PARN: variants seen among roughly 807,000 people sequenced by gnomAD.
PARN encodes the protein poly(A)-specific ribonuclease PARN.
A neutral mutation model predicts 102.8 loss-of-function variants in PARN; 71 were observed. That is an observed-to-expected ratio of 0.69 (90% CI 0.57 to 0.84). PARN has a LOEUF of 0.84. Ranked by LOEUF, PARN falls within the 40% of genes least tolerant of loss-of-function variation. PARN has a pLI of 0.00. For synonymous variants in PARN, 261 were observed against 252.9 expected (o/e 1.03, Z -0.30); for missense variants, 782 against 760.9 (o/e 1.03, Z -0.33).
chr16:14,510,657 C>A (rs577656967), intron 21 of PARN, among the ~76,000 whole-genome samples: 1 of 152,224 alleles, frequency 6.6e-6, no homozygotes, highest in Non-Finnish European at 1.5e-5. Context: ...ATCTACCCTT[C>A]TGCTTTTTTG....
Position 14,552,036 on chromosome 16 carries a change from C to G in PARN, c.1465G>C (p.Glu489Gln), listed in dbSNP as rs576638299. The change falls in exon 21 of 24, where the codon GAG becomes CAG. Residue 489 changes from glutamate (E) to glutamine (Q), a missense_variant. Glu to Gln is a conservative substitution (Grantham distance 29). Coordinates refer to ENST00000437198, the MANE Select transcript of PARN (RefSeq NM_002582.4). ...TSAFVSLSQPEQVKIAVNTSK... is the reference protein window; with the variant it reads ...TSAFVSLSQPQQVKIAVNTSK... ...AAACACTTACCAATCTTTACTTGCT[C>G]GGGCTGGCTAAGGGAAACAAATGCT... The G allele has an allele frequency of 6.2e-7, 1 of 1,611,124 alleles. No homozygotes were observed. Among genetic ancestry groups the G allele is most frequent in the African/African-American group, 1.3e-5 (1 of 74,822 alleles).
At chr16:14,544,493 TA>T (rs1473389483) in intron 21 of PARN, among the ~76,000 whole-genome samples, 1 of 152,118 alleles carries the variant, frequency 6.6e-6, no homozygotes, top group Non-Finnish European at 1.5e-5. Context: ...GAGAATCACT[TA>T]AAGCCAGGAG....
In PARN at chr16:14,550,364, TCTG is replaced by T. The variant is rs539908239; in HGVS notation, c.1480+1654_1480+1656del. Among the ~76,000 whole-genome samples the T allele has an allele frequency of 1.1e-4, 16 of 152,276 alleles. No individual in the cohort carries two copies. The South Asian group carries it at 1.9e-3, about 18-fold the overall frequency. On this transcript the variant is annotated intron_variant, in intron 21 of 23. Transcript: ENST00000437198. ...CTCCTGAGTACATTCCACCCTGAAATCTGCTATTAAAGAACCACAGTAAAAGCT... is the reference window on the plus strand; with the variant it reads ...CTCCTGAGTACATTCCACCCTGAAATCTATTAAAGAACCACAGTAAAAGCT...
chr16:14,546,975 C>A (rs1053993564), intron 21 of PARN, among the ~76,000 whole-genome samples: 1 of 151,900 alleles, frequency 6.6e-6, no homozygotes, highest in African/African-American at 2.4e-5. Context: ...CACCTGTAAT[C>A]CCAGCTACTC....
At chr16:14,502,111 T>G (rs1241518167) in intron 21 of PARN, among the ~76,000 whole-genome samples, 3 of 152,224 alleles carry the variant, frequency 2.0e-5, no homozygotes, top group African/African-American at 7.2e-5. Flanking sequence ...CACATGCCTC[T>G]CTGGGCAACT....
rs374164243 is a variant in PARN, at chr16:14,621,788, G to A, written c.328-4138C>T. ...ATCGTGCCACTGCACTCCAGCCTGG[G>A]CGACAGGGGCTTCGTCTCAAAAAAA... On this transcript the variant is annotated intron_variant, in intron 5 of 23. Coordinates refer to ENST00000437198, the MANE Select transcript of PARN (RefSeq NM_002582.4). Among the ~76,000 whole-genome samples the A allele has an allele frequency of 3.2e-3, 485 of 150,440 alleles. 4 individuals are homozygous for A. Among genetic ancestry groups the A allele is most frequent in the Middle Eastern group, 0.021 (6 of 292 alleles).
At chr16:14,563,218 G>A (rs964819090) in intron 18 of PARN, among the ~76,000 whole-genome samples, 26 of 152,204 alleles carry the variant, frequency 1.7e-4, no homozygotes, top group Non-Finnish European at 3.2e-4. Flanking sequence ...TTTTGCTCCT[G>A]AGGCAGCAGG....
intron 18 of PARN, among the ~76,000 whole-genome samples, chr16:14,576,859 T>TTC (rs1465232755): frequency 1.3e-5 from 2 of 152,230 alleles, no homozygotes; most frequent in Non-Finnish European, 2.9e-5. Context: ...TTATGGGACA[T>TTC]TCTTCTAGAC....
At chr16:14,496,155 G>GTC (rs1964305074) in intron 21 of PARN, among the ~76,000 whole-genome samples, 1 of 152,220 alleles carries the variant, frequency 6.6e-6, no homozygotes, top group African/African-American at 2.4e-5. Flanking sequence ...GTGGCCTGCT[G>GTC]AAGATGGCGA....
chr16:14,555,423 A>G (rs577828078), intron 19 of PARN, among the ~76,000 whole-genome samples: 10 of 152,320 alleles, frequency 6.6e-5, no homozygotes, highest in African/African-American at 2.4e-4. Flanking sequence ...TATAGAGAAG[A>G]TACATGCTTC....
chr16:14,508,218 A>G (rs1964995953), intron 21 of PARN, among the ~76,000 whole-genome samples: 1 of 152,096 alleles, frequency 6.6e-6, no homozygotes, highest in Non-Finnish European at 1.5e-5. Flanking sequence ...ATACATGGAT[A>G]GATACATAGA....
chr16:14,620,799 A>G (rs1176178748), intron 5 of PARN, among the ~76,000 whole-genome samples: 5 of 152,204 alleles, frequency 3.3e-5, no homozygotes, highest in Non-Finnish European at 7.3e-5. Flanking sequence ...CCACGGAATG[A>G]CTGTGTTTCC....
intron 22 of PARN, among the ~76,000 whole-genome samples, chr16:14,448,995 T>C (rs1961324437): frequency 6.6e-6 from 1 of 152,150 alleles, no homozygotes; most frequent in South Asian, 2.1e-4. Context: ...TTTTAAAGAC[T>C]AGAAAAAGTT....
chr16:14,568,820 G>A (rs1968598640), intron 18 of PARN, among the ~76,000 whole-genome samples: 1 of 151,412 alleles, frequency 6.6e-6, no homozygotes, highest in Admixed American at 6.6e-5. Context: ...GCTTGAACCT[G>A]GGAGGCAGAG....
intron 21 of PARN, among the ~76,000 whole-genome samples, chr16:14,525,080 T>G (rs1168477068): frequency 6.6e-6 from 1 of 152,222 alleles, no homozygotes; most frequent in Non-Finnish European, 1.5e-5. Flanking sequence ...TTGTTTCAGT[T>G]TGTCTGAAGT....
At chr16:14,521,774 C>T (rs1281386422) in intron 21 of PARN, among the ~76,000 whole-genome samples, 1 of 151,744 alleles carries the variant, frequency 6.6e-6, no homozygotes, top group African/African-American at 2.4e-5. Context: ...TGCACTCCAG[C>T]CTGGGCAACA....
chr16:14,450,844 G>C (rs1961413722), intron 22 of PARN, among the ~76,000 whole-genome samples: 1 of 152,006 alleles, frequency 6.6e-6, no homozygotes, highest in Non-Finnish European at 1.5e-5. Flanking sequence ...ACTCCCACTG[G>C]GAAAATCTGG....
intron 22 of PARN, among the ~76,000 whole-genome samples, chr16:14,478,620 A>T (rs77034800): frequency 0.014 from 2,146 of 152,344 alleles, 46 homozygotes; most frequent in African/African-American, 0.047. Context: ...CAAGAAAAAT[A>T]AATAAAAGAC....
At chr16:14,482,608 C>A (rs1963443637) in intron 22 of PARN, 30 bp downstream of exon 22, 1 of 1,520,372 alleles carries the variant, frequency 6.6e-7, no homozygotes, top group East Asian at 2.3e-5. Flanking sequence ...AGAACTCTGG[C>A]CTTTTAAATT....
Sources: gnomAD v4.1 joint callset for allele counts (sites outside exome capture counted in the v4.1 genomes callset) on GRCh38, gnomAD v4.1.1 for gene constraint, MANE v1.5 for transcripts, NCBI Gene and HGNC (gene_info 2026-07-23, HGNC 2026-07-21) for gene names.